Variants in CHN2 observed in about 807,000 individuals in gnomAD.
CHN2 encodes the protein chimerin 2, also known as beta-chimaerin.
A neutral mutation model predicts 56.3 loss-of-function variants in CHN2; 35 were observed. The ratio of observed to expected loss-of-function variants is 0.62; its 90% CI spans 0.47 to 0.82. The LOEUF is 0.82. CHN2 is among the 40% of genes least tolerant of loss of function. CHN2 has a pLI of 0.00. For missense variants in CHN2, 491 were observed against 580.5 expected, an observed-to-expected ratio of 0.85 and a Z score of 1.58; for synonymous variants, 210 against 212.8, an observed-to-expected ratio of 0.99 and a Z score of 0.12.
chr7:29,240,305 C>A (rs1562857072), intron 1 of CHN2, among the ~76,000 whole-genome samples: 1 of 152,222 alleles, frequency 6.6e-6, no homozygotes, highest in Non-Finnish European at 1.5e-5. Flanking sequence ...CCCCTTTCCC[C>A]TTCACCCCTT....
intron 6 of CHN2, among the ~76,000 whole-genome samples, chr7:29,446,259 G>C (rs1433977560): frequency 6.6e-6 from 1 of 152,110 alleles, no homozygotes; most frequent in African/African-American, 2.4e-5. Context: ...AACACCACCT[G>C]TTCTCCAGAA....
chr7:29,182,388 G>A (rs1020831387), intron 2 of CHN2, among the ~76,000 whole-genome samples: 2 of 149,288 alleles, frequency 1.3e-5, no homozygotes, highest in African/African-American at 4.9e-5. Flanking sequence ...TCCTCATTGT[G>A]ATATGACACA....
intron 1 of CHN2, among the ~76,000 whole-genome samples, chr7:29,251,312 G>A (rs960239435): frequency 1.3e-5 from 2 of 151,990 alleles, no homozygotes; most frequent in Non-Finnish European, 2.9e-5. Flanking sequence ...AAGTTAGCTG[G>A]GTGTGGTGAC....
intron 2 of CHN2, among the ~76,000 whole-genome samples, chr7:29,157,721 C>T (rs959908575): frequency 2.6e-5 from 4 of 152,150 alleles, no homozygotes; most frequent in African/African-American, 9.7e-5. Flanking sequence ...TGAACAAGAT[C>T]TGGTGATAGA....
intron 1 of CHN2, among the ~76,000 whole-genome samples, chr7:29,344,989 A>T (rs1797316326): frequency 6.6e-6 from 1 of 152,198 alleles, no homozygotes; most frequent in Non-Finnish European, 1.5e-5. Context: ...CACTTTGAGC[A>T]CCTGCTGTGT....
intron 1 of CHN2, among the ~76,000 whole-genome samples, chr7:29,320,414 C>CCTTG (rs1213974616): frequency 6.6e-6 from 1 of 152,178 alleles, no homozygotes; most frequent in East Asian, 1.9e-4. Flanking sequence ...ACAAGGGCAT[C>CCTTG]CTTGCAAAGG....
At chr7:29,233,983 G>A (rs976600044) in intron 1 of CHN2, among the ~76,000 whole-genome samples, 4 of 149,656 alleles carry the variant, frequency 2.7e-5, no homozygotes, top group East Asian at 2.0e-4. Flanking sequence ...ACAGGCGCCC[G>A]CCACCACGCC....
At position 29,512,863 on chromosome 7, in the gene CHN2, T is replaced by TCCAG. The variant is rs1791655485; in HGVS notation, c.*129_*130insCAGC. On this transcript the variant is annotated 3_prime_UTR_variant, in exon 13 of 13. Transcript: ENST00000222792. ...CTAGAATTTCCTGGACTGCAGAGGA[T>TCCAG]CGCTGAGTGGGGTACTGTGTCTCAT... The TCCAG allele has an allele frequency of 9.8e-7, 1 of 1,017,432 alleles. No homozygotes were observed. The highest frequency in any genetic ancestry group is 1.6e-5 in the African/African-American group (1 of 61,468). 63.0% of individuals were successfully genotyped at this position (1,017,432 alleles called of 1,614,324 possible).
At chr7:29,180,010 G>A (rs907952730) in intron 2 of CHN2, among the ~76,000 whole-genome samples, 1 of 152,082 alleles carries the variant, frequency 6.6e-6, no homozygotes, top group Non-Finnish European at 1.5e-5. Flanking sequence ...TGCAGACAGT[G>A]GAAATATCAA....
At chr7:29,512,378 CAACAATTT>C (rs1791576455) in intron 12 of CHN2, among the ~76,000 whole-genome samples, 178 bp from the exon 13 acceptor site, 1 of 152,136 alleles carries the variant, frequency 6.6e-6, no homozygotes, top group Non-Finnish European at 1.5e-5. Context: ...AAGGCAATGT[CAACAATTT>C]AAAACGAAAA....
chr7:29,162,353 T>C (rs1473991091), intron 2 of CHN2, among the ~76,000 whole-genome samples: 1 of 152,166 alleles, frequency 6.6e-6, no homozygotes, highest in Non-Finnish European at 1.5e-5. Flanking sequence ...ATGAAACAGC[T>C]AGGGTGGATC....
At chr7:29,343,313 C>G (rs1797181837) in intron 1 of CHN2, among the ~76,000 whole-genome samples, 1 of 152,200 alleles carries the variant, frequency 6.6e-6, no homozygotes, top group Non-Finnish European at 1.5e-5. Flanking sequence ...AGAGGGAGAT[C>G]AGGGACATGG....
At chr7:29,249,492 G>A (rs778513842) in intron 1 of CHN2, among the ~76,000 whole-genome samples, 3 of 152,294 alleles carry the variant, frequency 2.0e-5, no homozygotes, top group Non-Finnish European at 2.9e-5. Flanking sequence ...ACATGACAAC[G>A]TCCTCTAGAA....
rs1055000829 is a variant in CHN2 at position 29,195,005 on chromosome 7, G to C, written c.49+15G>C. ...GGTGTCCTCCGGTGAGTTTCAGCCC[G>C]TCGGGCGCTGCTGCCGCGCCGGGTC... On this transcript the variant is annotated intron_variant, in intron 1 of 12. Coordinates refer to ENST00000222792, the MANE Select transcript of CHN2 (RefSeq NM_004067.4). 3.2e-6 allele frequency: 5 copies of C among 1,582,844 alleles called. No individual in the cohort carries two copies. Among genetic ancestry groups the C allele is most frequent in the Non-Finnish European group, 4.3e-6 (5 of 1,167,548 alleles).
chr7:29,295,749 A>G (rs1482069263), intron 1 of CHN2, among the ~76,000 whole-genome samples: 1 of 152,226 alleles, frequency 6.6e-6, no homozygotes, highest in Non-Finnish European at 1.5e-5. Context: ...TAGTAAGAGC[A>G]GGCAAGTGCT....
intron 6 of CHN2, among the ~76,000 whole-genome samples, chr7:29,401,740 G>T (rs1033442120): frequency 1.3e-5 from 2 of 152,228 alleles, no homozygotes; most frequent in Non-Finnish European, 1.5e-5. Flanking sequence ...AAGTGGGCAA[G>T]TATGCAGGCG....
At chr7:29,261,095 C>A (rs1789513217) in intron 1 of CHN2, among the ~76,000 whole-genome samples, 2 of 152,094 alleles carry the variant, frequency 1.3e-5, no homozygotes, top group African/African-American at 4.8e-5. Flanking sequence ...AATAGATATC[C>A]TTCATCAAGT....
At chr7:29,381,976 A>G (rs1184539694) in intron 3 of CHN2, among the ~76,000 whole-genome samples, 2 of 152,160 alleles carry the variant, frequency 1.3e-5, no homozygotes, top group African/African-American at 4.8e-5. Context: ...GGTGATGGTT[A>G]GCGTCAGAGT....
chr7:29,281,155 T>C (rs933830087), intron 1 of CHN2, among the ~76,000 whole-genome samples: 1 of 152,250 alleles, frequency 6.6e-6, no homozygotes, highest in East Asian at 1.9e-4. Flanking sequence ...CCTTGTGCTC[T>C]GTCCTCAATC....
Sources: allele counts gnomAD v4.1 joint callset (sites outside exome capture counted in the v4.1 genomes callset), GRCh38; gene constraint gnomAD v4.1.1; transcripts MANE v1.5; gene names NCBI Gene and HGNC (gene_info 2026-07-23, HGNC 2026-07-21).